The following LTBP1 variants were observed in gnomAD, a reference collection of about 807,000 sequenced individuals.
The protein encoded by LTBP1 is latent-transforming growth factor beta-binding protein 1.
A neutral mutation model predicts 207.6 loss-of-function variants in LTBP1; 129 were observed. The ratio of observed to expected loss-of-function variants is 0.62; its 90% CI spans 0.54 to 0.72. The LOEUF is 0.72. LTBP1 is among the 30% of genes least tolerant of loss of function. LTBP1 has a pLI of 0.00. For synonymous variants in LTBP1, 963 were observed against 833.7 expected (o/e 1.16, Z -2.67); for missense variants, 2,281 against 2,217.2 (o/e 1.03, Z -0.58).
chr2:33,269,965 CTTTTTTTT>C (rs35142617), intron 15 of LTBP1, among the ~76,000 whole-genome samples: 2 of 129,792 alleles, frequency 1.5e-5, no homozygotes, highest in Non-Finnish European at 3.3e-5. Flanking sequence ...TGATATTCAA[CTTTTTTTT>C]TTTTTTTTTT....
intron 7 of LTBP1, among the ~76,000 whole-genome samples, chr2:33,190,817 T>A (rs752827963): frequency 2.0e-4 from 31 of 151,936 alleles, no homozygotes; most frequent in Non-Finnish European, 3.7e-4. Flanking sequence ...CAGCCCTCAT[T>A]GGCCTGTGGA....
intron 24 of LTBP1, among the ~76,000 whole-genome samples, chr2:33,330,981 A>T (rs966095046): frequency 2.0e-5 from 3 of 151,838 alleles, no homozygotes; most frequent in African/African-American, 7.2e-5. Flanking sequence ...TTGACTTTTC[A>T]TGTCAGTTTC....
At chr2:33,357,660 A>G (rs1234862243) in intron 26 of LTBP1, among the ~76,000 whole-genome samples, 1 of 152,212 alleles carries the variant, frequency 6.6e-6, no homozygotes, top group Non-Finnish European at 1.5e-5. Context: ...GTTACCGGCC[A>G]CACCTCTAGA....
intron 3 of LTBP1, among the ~76,000 whole-genome samples, chr2:33,022,202 A>G (rs1381033441): frequency 1.3e-5 from 2 of 151,136 alleles, no homozygotes; most frequent in African/African-American, 2.4e-5. Flanking sequence ...CCCTTCGAAT[A>G]GACCACCTAC....
Position 33,257,302 on chromosome 2 carries a change from G to T in LTBP1, c.2186G>T (p.Cys729Phe). ...LPGTAAFKEI[C>F]PGGMGYTVSG... is the part of the protein sequence containing the mutation. ...AATCTAGCTGCTTTTAAGGAAATCT[G>T]TCCTGGTGGAATGGGTTATACGGTT... is the stretch of plus-strand genomic sequence containing the variant. Residue 729 changes from cysteine to phenylalanine, a missense_variant, in exon 12 of 34, where the codon TGT becomes TTT. Physicochemically the swap from Cys to Phe is radical, Grantham distance 205 (BLOSUM62 -2). This residue lies in a region of LTBP1 where 1,671 missense variants were observed against 1,634.8 expected (regional missense o/e 1.02). Coordinates refer to ENST00000404816, the MANE Select transcript of LTBP1 (RefSeq NM_206943.4). 1.2e-6 allele frequency: 2 copies of T among 1,613,882 alleles called. No individual in the cohort carries two copies. Among genetic ancestry groups the T allele is most frequent in the Non-Finnish European group, 8.5e-7 (1 of 1,179,726 alleles).
chr2:33,144,858 ATAAT>A (rs1321358458), intron 5 of LTBP1, among the ~76,000 whole-genome samples: 2 of 152,132 alleles, frequency 1.3e-5, no homozygotes, highest in African/African-American at 4.8e-5. Flanking sequence ...TGGAGAAAGA[ATAAT>A]TAATTTGTCT....
chr2:33,162,219 A>C (rs1411351203), intron 5 of LTBP1, among the ~76,000 whole-genome samples: 1 of 152,226 alleles, frequency 6.6e-6, no homozygotes, highest in Non-Finnish European at 1.5e-5. Context: ...TGTTTATTTA[A>C]TAGATTTGTA....
intron 2 of LTBP1, among the ~76,000 whole-genome samples, chr2:33,015,857 T>A (rs1055757108): frequency 5.3e-5 from 8 of 150,272 alleles, no homozygotes; most frequent in Non-Finnish European, 1.0e-4. Flanking sequence ...AGAGAGAGAG[T>A]GGGGAGGTGC....
chr2:32,948,980 A>G lies in LTBP1; in HGVS notation c.565+35A>G, dbSNP rs564688924. On this transcript the variant is annotated intron_variant, in intron 2 of 33. Transcript: ENST00000404816. ...CATGTTCACAGTGGCCCTGCACAGT[A>G]GGCAAAGTGGGGGGAGGTGTCCACA... 64 of 1,608,862 alleles carry G rather than the reference A, an allele frequency of 4.0e-5. No individual in the cohort carries two copies. In the East Asian group the frequency reaches 1.1e-3, roughly 28 times the overall value.
Position 33,315,262 on chromosome 2 carries a change from G to T in LTBP1, c.3723G>T (p.Thr1241=). 1.9e-6 allele frequency: 3 copies of T among 1,611,862 alleles called. No homozygotes were observed. Among genetic ancestry groups the T allele is most frequent in the Non-Finnish European group, 2.5e-6 (3 of 1,179,586 alleles). ...QGFSISADGR[T]CEDIDECVNN... ...TCTCAATCTCTGCAGATGGCCGTAC[G>T]TGTGAAGGTAAGATAAACCATACGA... Residue 1241 remains threonine (T), a synonymous_variant, in exon 24 of 34, where the codon ACG becomes ACT. Transcript: ENST00000404816.
At chr2:33,239,613 A>G (rs2092217841) in intron 9 of LTBP1, among the ~76,000 whole-genome samples, 1 of 151,974 alleles carries the variant, frequency 6.6e-6, no homozygotes, top group Non-Finnish European at 1.5e-5. Flanking sequence ...ACTTGGCCGG[A>G]TGCAGTGGCT....
At chr2:33,082,159 T>C (rs1357516147) in intron 3 of LTBP1, among the ~76,000 whole-genome samples, 3 of 152,256 alleles carry the variant, frequency 2.0e-5, no homozygotes, top group African/African-American at 7.2e-5. Context: ...AGTGGGTTCC[T>C]CTTAGAAGAA....
intron 2 of LTBP1, among the ~76,000 whole-genome samples, chr2:32,952,334 A>G (rs1193801806): frequency 5.9e-5 from 9 of 152,236 alleles, no homozygotes; most frequent in Admixed American, 5.2e-4. Context: ...GTGGTCCTCT[A>G]GGCTGTAGCT....
In LTBP1 at chr2:33,228,607, T is replaced by C. The variant is rs1227930362; in HGVS notation, c.1876+6456T>C. 2.6e-5 allele frequency among the ~76,000 whole-genome samples: 4 copies of C among 151,984 alleles called. No homozygotes were observed. The East Asian group carries it at 7.7e-4, about 29-fold the overall frequency. ...ACAATCCTATGAGATTTGGGCATTA[T>C]TATTCTCAATTAGACATTGAGACAC... is the stretch of plus-strand genomic sequence containing the variant. On this transcript the variant is annotated intron_variant, in intron 9 of 33. Coordinates refer to ENST00000404816, the MANE Select transcript of LTBP1 (RefSeq NM_206943.4).
intron 10 of LTBP1, among the ~76,000 whole-genome samples, chr2:33,251,664 C>CAAA (rs537403994): frequency 4.3e-4 from 28 of 65,750 alleles, no homozygotes; most frequent in Non-Finnish European, 5.6e-4. Context: ...GACTCAGTCT[C>CAAA]AAAAAAAAAA....
intron 7 of LTBP1, among the ~76,000 whole-genome samples, chr2:33,191,500 T>G (rs1448817988): frequency 6.6e-6 from 1 of 152,232 alleles, no homozygotes; most frequent in African/African-American, 2.4e-5. Context: ...TTCCTGTTCA[T>G]GAGGAATGTT....
chr2:32,947,870 C>G lies in LTBP1; in HGVS notation c.494+52C>G, dbSNP rs1676465642. ...CCGCCCGCCTCGCGCGCACCGCCCG[C>G]GGAGGGACCTGCGGGGTCAGGGCCA... On this transcript the variant is annotated intron_variant, in intron 1 of 33. Transcript: ENST00000404816. The G allele has an allele frequency of 1.0e-5, 13 of 1,268,398 alleles. No homozygotes were observed. The East Asian group carries it at 4.2e-4, about 41-fold the overall frequency. The allele number at this position is 1,268,398 out of a possible 1,614,324, so 78.6% of individuals were successfully genotyped here. A position where few individuals can be genotyped will look rare whatever the true frequency, so the allele number is the denominator to read the frequency against.
chr2:32,953,294 A>ATCCCTCTTG (rs1472269989), intron 2 of LTBP1, among the ~76,000 whole-genome samples: 1 of 152,182 alleles, frequency 6.6e-6, no homozygotes, highest in Admixed American at 6.5e-5. Flanking sequence ...GCTGTCCCCC[A>ATCCCTCTTG]TCCCTCTTGG....
At chr2:33,133,406 C>A (rs1346563816) in intron 4 of LTBP1, among the ~76,000 whole-genome samples, 1 of 152,200 alleles carries the variant, frequency 6.6e-6, no homozygotes, top group African/African-American at 2.4e-5. Flanking sequence ...GGCACTGCTT[C>A]TTGACGGCCT....
Sources: gnomAD v4.1 joint callset for allele counts (sites outside exome capture counted in the v4.1 genomes callset) on GRCh38, gnomAD v4.1.1 for gene constraint, gnomAD v4.1.1 regional missense constraint, MANE v1.5 for transcripts, NCBI Gene and HGNC (gene_info 2026-07-23, HGNC 2026-07-21) for gene names.